Variants in NOMO1 observed in about 807,000 individuals in gnomAD.
The protein encoded by NOMO1 is NODAL modulator 1.
NOMO1 carries 40 observed loss-of-function variants against 133.8 expected under a neutral mutation model. That is an observed-to-expected ratio of 0.30 (90% confidence interval 0.23 to 0.39). NOMO1 has a LOEUF of 0.39. NOMO1 is among the 10% of genes least tolerant of loss of function. The probability of loss-of-function intolerance (pLI) is 1.00; values close to 1 mark genes in which losing one functional copy is unlikely to be tolerated. For missense variants in NOMO1, 462 were observed against 1,419.9 expected (o/e 0.33, Z 10.84); for synonymous variants, 236 against 570.5 (o/e 0.41, Z 8.36).
intron 29 of NOMO1, 50 bp from the exon 30 acceptor site, chr16:14,894,948 G>T (rs536529540): frequency 6.2e-7 from 1 of 1,612,034 alleles, no homozygotes; most frequent in Middle Eastern, 2.2e-4. Flanking sequence ...GTGGATGATG[G>T]ACAATCGTGT....
chr16:14,866,429 A>G (rs527421481), intron 14 of NOMO1, 126 bp from the exon 15 acceptor site: 1 of 1,566,284 alleles, frequency 6.4e-7, no homozygotes, highest in African/African-American at 1.4e-5. Context: ...GTATATTTCT[A>G]TCTTTATGTC....
At chr16:14,839,041 G>A (rs959105619) in intron 2 of NOMO1, among the ~76,000 whole-genome samples, 5 of 151,720 alleles carry the variant, frequency 3.3e-5, no homozygotes, top group African/African-American at 1.2e-4. Flanking sequence ...TCTGATAAAG[G>A]GTTTTTTTGT....
In NOMO1 at chr16:14,895,977, C is replaced by G. The variant is rs777403781; in HGVS notation, c.*332C>G. ...AATGTCATTCTTGATCTTCAGCCTT[C>G]GTTTGCAAGGAGAGTTCCAGTTGAC... On this transcript the variant is annotated 3_prime_UTR_variant, in exon 31 of 31. Transcript: ENST00000287667. 1.9e-6 allele frequency: 3 copies of G among 1,604,288 alleles called. No homozygotes were observed. In the African/African-American group the frequency reaches 4.0e-5, roughly 22 times the overall value.
intron 3 of NOMO1, among the ~76,000 whole-genome samples, chr16:14,843,648 T>G (rs1484505199): frequency 2.6e-5 from 4 of 151,784 alleles, no homozygotes; most frequent in Non-Finnish European, 4.4e-5. Flanking sequence ...TTATGTTTGT[T>G]TGCCATGGGC....
chr16:14,884,603 C>T lies in NOMO1; in HGVS notation c.3222+121C>T. ...TTAGGTGTGACAGGTGGAGGTGCTC[C>T]AGAGCGCCGCCTGCTGAGGGTTGAG... On this transcript the variant is annotated intron_variant, in intron 27 of 30. Coordinates refer to ENST00000287667, the MANE Select transcript of NOMO1 (RefSeq NM_014287.4). The T allele has an allele frequency of 2.1e-6, 3 of 1,462,772 alleles. No individual in the cohort carries two copies. In the South Asian group the frequency reaches 3.6e-5, roughly 18 times the overall value. 90.6% of individuals were successfully genotyped at this position (1,462,772 alleles called of 1,614,324 possible).
At chr16:14,893,866 A>G (rs1015143678) in intron 29 of NOMO1, among the ~76,000 whole-genome samples, 6 of 152,018 alleles carry the variant, frequency 3.9e-5, no homozygotes, top group African/African-American at 1.5e-4. Flanking sequence ...TAGTCTCTGG[A>G]AAAGTCCACT....
chr16:14,866,596 C>G lies in NOMO1; in HGVS notation c.1711C>G (p.Leu571Val). The G allele has an allele frequency of 1.2e-6, 2 of 1,609,972 alleles. No individual in the cohort carries two copies. The highest frequency in any genetic ancestry group is 1.7e-6 in the Non-Finnish European group (2 of 1,179,744). The change falls in exon 15 of 31, where the codon CTG (leucine) becomes GTG (valine). Residue 571 changes from leucine (L) to valine (V), a missense_variant. Leu to Val is a conservative substitution (Grantham distance 32). Coordinates refer to ENST00000287667, the MANE Select transcript of NOMO1 (RefSeq NM_014287.4). ...GGATTGGTGCTGGAAGAACAAGAGC[C>G]TGGAGGTGGAAGTGCTGGAGGATGA... ...HEDWCWKNKS[L>V]EVEVLEDDMS...
chr16:14,868,487 A>G, intron 15 of NOMO1, 61 bp from the exon 16 acceptor site: 2 of 1,357,380 alleles, frequency 1.5e-6, no homozygotes, highest in Non-Finnish European at 2.1e-6. Flanking sequence ...GAGAAATATT[A>G]TTAATCATCT....
Position 14,864,685 on chromosome 16 carries a change from T to C in NOMO1, c.1496T>C (p.Val499Ala). 1 of 1,613,250 alleles carries C rather than the reference T, an allele frequency of 6.2e-7. No individual in the cohort carries two copies. Among genetic ancestry groups the C allele is most frequent in the Non-Finnish European group, 8.5e-7 (1 of 1,179,730 alleles). ...AGGCCCATGATGGATGTGGCCTTTG[T>C]ACAGTTCTTGGCATCAGTTTCTGGG... The part of the protein sequence containing the change: ...TNRPMMDVAF[V>A]QFLASVSGKV... The change falls in exon 13 of 31, where the codon GTA becomes GCA. Residue 499 changes from valine to alanine, a missense_variant. Physicochemically the swap from Val to Ala is moderately conservative, Grantham distance 64. Transcript: ENST00000287667.
At chr16:14,883,795 C>T (rs1402533697) in intron 26 of NOMO1, among the ~76,000 whole-genome samples, 3 of 150,820 alleles carry the variant, frequency 2.0e-5, no homozygotes, top group East Asian at 2.0e-4. Flanking sequence ...GGAAGGGGGC[C>T]GGCCCTCTGG....
intron 6 of NOMO1, among the ~76,000 whole-genome samples, chr16:14,849,817 C>T (rs1404563299): frequency 6.7e-6 from 1 of 148,450 alleles, no homozygotes; most frequent in Non-Finnish European, 1.5e-5. Flanking sequence ...GAACTCCTAG[C>T]CTCAAATGAT....
At chr16:14,839,465 C>T (rs1186916523) in intron 2 of NOMO1, among the ~76,000 whole-genome samples, 1 of 152,060 alleles carries the variant, frequency 6.6e-6, no homozygotes, top group African/African-American at 2.4e-5. Context: ...CACAAGCACA[C>T]ATGCACATCG....
intron 8 of NOMO1, 117 bp from the exon 9 acceptor site, chr16:14,853,820 A>G (rs1408767857): frequency 1.2e-6 from 1 of 841,360 alleles, no homozygotes; most frequent in East Asian, 2.5e-5. Context: ...AGTTATGATG[A>G]ATGTTTCTCT....
Position 14,866,608 on chromosome 16 carries a change from G to A in NOMO1, c.1723G>A (p.Val575Met), listed in dbSNP as rs1453644856. Residue 575 changes from valine (V) to methionine (M), a missense_variant, in exon 15 of 31, where the codon GTG becomes ATG. Transcript: ENST00000287667. ...CWKNKSLEVE[V>M]LEDDMSAVEF... The stretch of plus-strand genomic sequence containing the variant: ...GAAGAACAAGAGCCTGGAGGTGGAA[G>A]TGCTGGAGGATGACATGTCTGCAGT... 1 of 1,609,900 alleles carries A rather than the reference G, an allele frequency of 6.2e-7. No individual in the cohort carries two copies. The highest frequency in any genetic ancestry group is 1.4e-5 in the African/African-American group (1 of 73,540).
At chr16:14,866,413 G>A in intron 14 of NOMO1, 142 bp from the exon 15 acceptor site, 1 of 1,416,726 alleles carries the variant, frequency 7.1e-7, no homozygotes, top group Middle Eastern at 2.6e-4. Flanking sequence ...ATAAATATAT[G>A]TATGTGTATA....
At position 14,857,226 on chromosome 16, in the gene NOMO1, C is replaced by T. The variant is rs548648209; in HGVS notation, c.973C>T (p.His325Tyr). ...HDSLKIEPVF[H>Y]VMGFSVTGRV... The stretch of plus-strand genomic sequence containing the variant: ...GTTCTTTGTTTTCTAGCCCGTGTTC[C>T]ACGTCATGGGATTCTCCGTCACCGG... Residue 325 changes from histidine to tyrosine, a missense_variant, in exon 10 of 31, where the codon CAC becomes TAC. By Grantham distance (83) the His-to-Tyr change is moderately conservative. Transcript: ENST00000287667. 69 of 1,570,998 alleles carry T rather than the reference C, an allele frequency of 4.4e-5. No individual in the cohort carries two copies. The East Asian group carries it at 7.4e-4, about 17-fold the overall frequency.
At chr16:14,857,084 C>T (rs1197903659) in intron 9 of NOMO1, 133 bp from the exon 10 acceptor site, 7 of 1,032,872 alleles carry the variant, frequency 6.8e-6, no homozygotes, top group South Asian at 4.0e-5. Flanking sequence ...CACACAGGAC[C>T]GGGGCACTGA....
intron 30 of NOMO1, 85 bp from the exon 31 acceptor site, chr16:14,895,428 GT>G: frequency 1.3e-6 from 2 of 1,599,934 alleles, no homozygotes; most frequent in Non-Finnish European, 1.7e-6. Context: ...TCTGAAGAAG[GT>G]GTGTTGAGAA....
intron 18 of NOMO1, 43 bp downstream of exon 18, chr16:14,872,372 G>A: frequency 1.6e-6 from 1 of 611,578 alleles, no homozygotes; most frequent in South Asian, 1.9e-5. Context: ...GGCGGGAGAG[G>A]GTGTGGATGA....
Sources: gnomAD v4.1 joint callset for allele counts (sites outside exome capture counted in the v4.1 genomes callset) on GRCh38, gnomAD v4.1.1 for gene constraint, MANE v1.5 for transcripts, NCBI Gene and HGNC (gene_info 2026-07-23, HGNC 2026-07-21) for gene names.